The following GRIN2A variants were observed in gnomAD, a reference collection of about 807,000 sequenced individuals.
GRIN2A encodes glutamate receptor ionotropic, NMDA 2A.
GRIN2A carries 22 observed loss-of-function variants against 113.4 expected under a neutral mutation model. The observed-to-expected ratio is 0.19, with a 90% confidence interval of 0.14 to 0.28. The LOEUF is 0.28. Ranked by LOEUF, GRIN2A falls within the 10% of genes least tolerant of loss-of-function variation. The pLI is 1.00. For missense variants in GRIN2A, 1,502 were observed against 1,887.0 expected, an observed-to-expected ratio of 0.80 and a Z score of 3.78; for synonymous variants, 827 against 738.4, an observed-to-expected ratio of 1.12 and a Z score of -1.94.
At chr16:10,046,593 T>C (rs529384714) in intron 2 of GRIN2A, among the ~76,000 whole-genome samples, 5 of 151,778 alleles carry the variant, frequency 3.3e-5, no homozygotes, top group African/African-American at 4.8e-5. Context: ...CCGTATAGGA[T>C]GGTTTAAAGA....
chr16:9,900,405 C>T (rs1004256804), intron 3 of GRIN2A, among the ~76,000 whole-genome samples: 5 of 152,172 alleles, frequency 3.3e-5, no homozygotes, highest in African/African-American at 1.2e-4. Context: ...GGGAGCACAC[C>T]TGAGTCAAGG....
chr16:10,114,330 G>T (rs149973828), intron 2 of GRIN2A, among the ~76,000 whole-genome samples: 169 of 152,330 alleles, frequency 1.1e-3, no homozygotes, highest in Non-Finnish European at 1.6e-3. Context: ...AAACTCAAGA[G>T]AGAGTTGAAG....
chr16:10,131,347 G>A (rs1317771183), intron 2 of GRIN2A, among the ~76,000 whole-genome samples: 1 of 152,114 alleles, frequency 6.6e-6, no homozygotes, highest in Non-Finnish European at 1.5e-5. Context: ...TCCCTAGGCT[G>A]TTCTCAGTTA....
chr16:9,768,161 C>T (rs145772129), intron 12 of GRIN2A, among the ~76,000 whole-genome samples: 51 of 152,228 alleles, frequency 3.4e-4, no homozygotes, highest in Admixed American at 2.9e-3. Flanking sequence ...CCCGGGTTCA[C>T]GCCATTCTCC....
At chr16:9,967,131 G>A (rs2045570226) in intron 2 of GRIN2A, among the ~76,000 whole-genome samples, 1 of 152,144 alleles carries the variant, frequency 6.6e-6, no homozygotes, top group Non-Finnish European at 1.5e-5. Flanking sequence ...AATTCTTCCT[G>A]CGACTCTGTG....
At position 10,119,207 on chromosome 16, in the gene GRIN2A, C is replaced by G. The variant is rs149058121; in HGVS notation, c.414+60791G>C. On this transcript the variant is annotated intron_variant, in intron 2 of 12. Coordinates refer to ENST00000330684, the MANE Select transcript of GRIN2A (RefSeq NM_001134407.3). Reference sequence around the variant, plus strand: ...AAAAAAAGCCCATTGGCTTTAAAACCCAGCAGAATTCAGTAGGAGGAGGAA... The same window carrying G: ...AAAAAAAGCCCATTGGCTTTAAAACGCAGCAGAATTCAGTAGGAGGAGGAA... Among the ~76,000 whole-genome samples the G allele has an allele frequency of 1.4e-4, 22 of 152,216 alleles. No homozygotes were observed. The East Asian group carries it at 4.0e-3, about 28-fold the overall frequency.
chr16:9,786,222 AACCTGGAG>A (rs1231044207), intron 11 of GRIN2A, among the ~76,000 whole-genome samples: 8 of 152,310 alleles, frequency 5.3e-5, no homozygotes, highest in African/African-American at 1.7e-4. Context: ...GGTCTTTGTG[AACCTGGAG>A]AGGCTGCTTT....
At chr16:9,976,169 C>G (rs535380666) in intron 2 of GRIN2A, among the ~76,000 whole-genome samples, 2 of 152,240 alleles carry the variant, frequency 1.3e-5, no homozygotes, top group East Asian at 1.9e-4. Context: ...AAATGGGGAG[C>G]CTCGTGTCAC....
rs1447086505 is a variant in GRIN2A, at chr16:9,758,645, CA to C, written c.*4503del. Reference sequence around the variant, plus strand: ...TATATTATATACATGTGTACACAAGCAGTTGTATTCACAGGATAAGTGCATT... The same window carrying C: ...TATATTATATACATGTGTACACAAGCGTTGTATTCACAGGATAAGTGCATT... On this transcript the variant is annotated 3_prime_UTR_variant, in exon 13 of 13. Transcript: ENST00000330684. 4.7e-6 allele frequency: 1 copy of C among 213,426 alleles called. No individual in the cohort carries two copies. Among genetic ancestry groups the C allele is most frequent in the Non-Finnish European group, 9.5e-6 (1 of 105,582 alleles). The allele number at this position is 213,426 out of a possible 1,614,324, so 13.2% of individuals were successfully genotyped here. A position where few individuals can be genotyped will look rare whatever the true frequency, so the allele number is the denominator to read the frequency against.
At chr16:9,791,836 C>T (rs1902622888) in intron 11 of GRIN2A, among the ~76,000 whole-genome samples, 1 of 152,082 alleles carries the variant, frequency 6.6e-6, no homozygotes, top group African/African-American at 2.4e-5. Context: ...CACTGACCCA[C>T]TCAGAGGGAG....
At position 9,867,515 on chromosome 16, in the gene GRIN2A, C is replaced by T. The variant is rs183608721; in HGVS notation, c.1123-17554G>A. Among the ~76,000 whole-genome samples, 121 of 152,294 alleles carry T rather than the reference C, an allele frequency of 7.9e-4. 1 individual carries two copies. Among genetic ancestry groups the T allele is most frequent in the East Asian group, 1.9e-3 (10 of 5,170 alleles). ...GAGGCATCTCTCCTCTAGCCTAACA[C>T]GCATCCCAGCCCTTGGGCTCTAGAT... is the stretch of plus-strand genomic sequence containing the variant. On this transcript the variant is annotated intron_variant, in intron 4 of 12. Coordinates refer to ENST00000330684, the MANE Select transcript of GRIN2A (RefSeq NM_001134407.3).
At chr16:9,898,054 C>CTTTTTTTTT (rs71402414) in intron 3 of GRIN2A, among the ~76,000 whole-genome samples, 1 of 109,720 alleles carries the variant, frequency 9.1e-6, no homozygotes, top group Non-Finnish European at 1.8e-5. Flanking sequence ...CCTCCATTTC[C>CTTTTTTTTT]TTTTTTTTTT....
At chr16:10,150,373 C>T (rs2049542640) in intron 2 of GRIN2A, among the ~76,000 whole-genome samples, 1 of 152,168 alleles carries the variant, frequency 6.6e-6, no homozygotes, top group Non-Finnish European at 1.5e-5. Flanking sequence ...ACAAGGGCTT[C>T]AGGTTATTTT....
intron 2 of GRIN2A, among the ~76,000 whole-genome samples, chr16:10,104,573 T>G (rs1357264731): frequency 6.6e-6 from 1 of 152,170 alleles, no homozygotes; most frequent in Non-Finnish European, 1.5e-5. Flanking sequence ...CGAGCACAAT[T>G]TTACGTGGTT....
intron 2 of GRIN2A, among the ~76,000 whole-genome samples, chr16:9,948,289 G>T (rs947868636): frequency 1.3e-5 from 2 of 152,208 alleles, no homozygotes; most frequent in Admixed American, 1.3e-4. Flanking sequence ...GGCTTAGAGA[G>T]AGGCAGTTCT....
At chr16:10,053,118 C>G (rs570979357) in intron 2 of GRIN2A, among the ~76,000 whole-genome samples, 4 of 151,928 alleles carry the variant, frequency 2.6e-5, no homozygotes, top group African/African-American at 9.7e-5. Flanking sequence ...ACAAGCCCCA[C>G]TAGTAATTCT....
chr16:9,921,946 A>G (rs149418852), intron 3 of GRIN2A, among the ~76,000 whole-genome samples: 29 of 152,310 alleles, frequency 1.9e-4, no homozygotes, highest in African/African-American at 6.5e-4. Flanking sequence ...ATTTATTTTG[A>G]TTTTGTAAAA....
intron 3 of GRIN2A, among the ~76,000 whole-genome samples, chr16:9,930,123 G>A (rs1479027466): frequency 6.6e-6 from 1 of 152,172 alleles, no homozygotes; most frequent in Non-Finnish European, 1.5e-5. Context: ...TTGACTTAGT[G>A]CTCAGGCTGA....
chr16:10,068,596 C>T (rs550228023), intron 2 of GRIN2A, among the ~76,000 whole-genome samples: 9 of 152,374 alleles, frequency 5.9e-5, no homozygotes, highest in Non-Finnish European at 8.8e-5. Context: ...CCAAACACTT[C>T]CCACCAGGCC....
Sources: gnomAD v4.1 joint callset for allele counts (sites outside exome capture counted in the v4.1 genomes callset) on GRCh38, gnomAD v4.1.1 for gene constraint, MANE v1.5 for transcripts, NCBI Gene and HGNC (gene_info 2026-07-23, HGNC 2026-07-21) for gene names.